Variants in SNX29 observed in about 807,000 individuals in gnomAD.
SNX29 encodes sorting nexin-29.
Under a neutral mutation model 102.1 loss-of-function variants are expected in SNX29, and 78 were observed. That is an observed-to-expected ratio of 0.76 (90% CI 0.64 to 0.92). The LOEUF (loss-of-function observed/expected upper bound fraction) is 0.92, where lower values mean the gene tolerates loss of function less well. Ranked by LOEUF, SNX29 falls within the 40% of genes least tolerant of loss-of-function variation. The pLI is 0.00. For synonymous variants in SNX29, 580 were observed against 414.5 expected (o/e 1.40, Z -4.85); for missense variants, 1,280 against 1,061.7 (o/e 1.21, Z -2.86).
At chr16:12,490,448 A>G (rs1005789450) in intron 19 of SNX29, among the ~76,000 whole-genome samples, 2 of 152,216 alleles carry the variant, frequency 1.3e-5, no homozygotes, top group South Asian at 2.1e-4. Flanking sequence ...ATCTTTTACT[A>G]TTAATGAATA....
At chr16:12,504,151 A>G (rs1363174653) in intron 19 of SNX29, among the ~76,000 whole-genome samples, 3 of 151,984 alleles carry the variant, frequency 2.0e-5, no homozygotes, top group African/African-American at 7.3e-5. Flanking sequence ...ATGGAATAGT[A>G]TAATATGTAG....
rs1159906989 is a variant in SNX29 at position 12,348,201 on chromosome 16, G to A, written c.1783-7962G>A. Among the ~76,000 whole-genome samples, 3 of 152,160 alleles carry A rather than the reference G, an allele frequency of 2.0e-5. No individual in the cohort carries two copies. In the East Asian group the frequency reaches 5.8e-4, roughly 29 times the overall value. On this transcript the variant is annotated intron_variant, in intron 15 of 20. Transcript: ENST00000566228. ...CCTCCAGGGCCTCATTTTTCTCCTT[G>A]ACATGGAACATCTGGAAGTCATGTC... is the stretch of plus-strand genomic sequence containing the variant.
At chr16:12,199,070 C>T (rs2076849970) in intron 13 of SNX29, among the ~76,000 whole-genome samples, 1 of 152,094 alleles carries the variant, frequency 6.6e-6, no homozygotes, top group East Asian at 1.9e-4. Flanking sequence ...GTCTTTATGC[C>T]ACAATCTCCT....
intron 14 of SNX29, among the ~76,000 whole-genome samples, chr16:12,234,940 C>A (rs1015022559): frequency 2.0e-5 from 3 of 150,916 alleles, no homozygotes; most frequent in African/African-American, 7.5e-5. Flanking sequence ...ATGTTTCTCT[C>A]TCCTTTTCAC....
At chr16:12,338,149 G>C (rs1265223437) in intron 15 of SNX29, among the ~76,000 whole-genome samples, 2 of 152,212 alleles carry the variant, frequency 1.3e-5, no homozygotes, top group Admixed American at 6.5e-5. Context: ...TCATTAGGGA[G>C]GTGGGAGGCG....
intron 14 of SNX29, among the ~76,000 whole-genome samples, chr16:12,233,091 T>C (rs1464354465): frequency 2.0e-5 from 3 of 152,082 alleles, no homozygotes; most frequent in Non-Finnish European, 4.4e-5. Flanking sequence ...CTTCATCTTC[T>C]TTGTCTTCTT....
intron 16 of SNX29, among the ~76,000 whole-genome samples, chr16:12,376,603 G>A (rs1017538099): frequency 6.6e-6 from 1 of 151,730 alleles, no homozygotes; most frequent in African/African-American, 2.4e-5. Context: ...GGGCATGGCG[G>A]CTGGCACCTA....
At chr16:12,525,380 A>G (rs2076751491) in intron 20 of SNX29, among the ~76,000 whole-genome samples, 1 of 152,206 alleles carries the variant, frequency 6.6e-6, no homozygotes, top group African/African-American at 2.4e-5. Flanking sequence ...TTAGAAAATC[A>G]TTACACTTCA....
At chr16:12,256,217 G>A (rs1047051524) in intron 14 of SNX29, among the ~76,000 whole-genome samples, 1 of 152,128 alleles carries the variant, frequency 6.6e-6, no homozygotes, top group African/African-American at 2.4e-5. Context: ...TTTTAATCAG[G>A]TTATATTTTC....
rs573910689 is a variant in SNX29, at chr16:12,554,879, C to T, written c.2319-13627C>T. ...CTCAGGAAAGAGGACAAAGATATGT[C>T]AGCATGCCATACAGGACAGGCAGTG... On this transcript the variant is annotated intron_variant, in intron 20 of 20. Transcript: ENST00000566228. 1.7e-4 allele frequency among the ~76,000 whole-genome samples: 26 copies of T among 152,254 alleles called. 2 individuals carry two copies. The South Asian group carries it at 4.6e-3, about 27-fold the overall frequency.
Position 12,565,649 on chromosome 16 carries a change from C to G in SNX29, c.2319-2857C>G, listed in dbSNP as rs187278132. ...CACAGACATGTGACACATATAGCCT[C>G]GTGACAGCTCAGTGCACGTCCCGAG... On this transcript the variant is annotated intron_variant, in intron 20 of 20. Transcript: ENST00000566228. 1.3e-4 allele frequency among the ~76,000 whole-genome samples: 20 copies of G among 152,342 alleles called. No individual in the cohort carries two copies. The South Asian group carries it at 3.7e-3, about 28-fold the overall frequency.
chr16:12,568,389 G>T (rs1007138947), intron 20 of SNX29, 117 bp from the exon 21 acceptor site: 10 of 1,370,952 alleles, frequency 7.3e-6, no homozygotes, highest in South Asian at 1.3e-5. Context: ...GATCCAATGA[G>T]CCAGTCACAG....
chr16:12,435,146 T>C (rs1393034800), intron 18 of SNX29, among the ~76,000 whole-genome samples: 2 of 152,168 alleles, frequency 1.3e-5, no homozygotes, highest in East Asian at 3.9e-4. Flanking sequence ...AGAGAATGTG[T>C]GCACCCTGCT....
At chr16:12,567,545 G>C (rs75981896) in intron 20 of SNX29, among the ~76,000 whole-genome samples, 2 of 152,178 alleles carry the variant, frequency 1.3e-5, no homozygotes, top group East Asian at 3.9e-4. Flanking sequence ...AGCACTTTAG[G>C]AGGCTGAGCA....
intron 6 of SNX29, 30 bp from the exon 7 acceptor site, chr16:12,048,342 C>T: frequency 6.2e-7 from 1 of 1,613,776 alleles, no homozygotes; most frequent in African/African-American, 1.3e-5. Flanking sequence ...CATCAGCAAG[C>T]ACTCCAGACT....
chr16:12,183,310 G>T (rs2076435050), intron 13 of SNX29, among the ~76,000 whole-genome samples: 1 of 152,080 alleles, frequency 6.6e-6, no homozygotes, highest in Non-Finnish European at 1.5e-5. Context: ...CAAATACTTT[G>T]TATTTTTTTT....
intron 18 of SNX29, among the ~76,000 whole-genome samples, chr16:12,437,659 C>T (rs1228894196): frequency 6.6e-6 from 1 of 152,196 alleles, no homozygotes; most frequent in African/African-American, 2.4e-5. Context: ...CCCTCTCCTC[C>T]TTCATAGCCC....
chr16:12,397,054 GT>G (rs1237090741), intron 16 of SNX29, among the ~76,000 whole-genome samples: 1 of 152,086 alleles, frequency 6.6e-6, no homozygotes, highest in Non-Finnish European at 1.5e-5. Context: ...CCTGGCTAAT[GT>G]TTTTTTCCAT....
At chr16:12,008,568 C>T (rs894167496) in intron 3 of SNX29, among the ~76,000 whole-genome samples, 2 of 152,136 alleles carry the variant, frequency 1.3e-5, no homozygotes, top group African/African-American at 4.8e-5. Flanking sequence ...CGCACCCGGC[C>T]TGGATCATTT....
Sources: allele counts gnomAD v4.1 joint callset (sites outside exome capture counted in the v4.1 genomes callset), GRCh38; gene constraint gnomAD v4.1.1; transcripts MANE v1.5; gene names NCBI Gene and HGNC (gene_info 2026-07-23, HGNC 2026-07-21).